Variants in EXOC2 observed in about 807,000 individuals in gnomAD.
EXOC2 encodes exocyst complex component 2.
A neutral mutation model predicts 131.8 loss-of-function variants in EXOC2; 70 were observed. That is an observed-to-expected ratio of 0.53 (90% CI 0.44 to 0.65). The LOEUF is 0.65. EXOC2 is among the 30% of genes least tolerant of loss of function. The pLI is 0.00. For missense variants in EXOC2, 923 were observed against 1,108.6 expected (o/e 0.83, Z 2.38); for synonymous variants, 411 against 398.4 (o/e 1.03, Z -0.38).
At chr6:537,156 C>A (rs1483661998) in intron 22 of EXOC2, among the ~76,000 whole-genome samples, 1 of 151,944 alleles carries the variant, frequency 6.6e-6, no homozygotes, top group African/African-American at 2.4e-5. Flanking sequence ...GAGTTTATGA[C>A]CGACGGAGCG....
intron 10 of EXOC2, 93 bp downstream of exon 10, chr6:597,928 C>A: frequency 1.2e-6 from 1 of 857,260 alleles, no homozygotes; most frequent in Non-Finnish European, 1.8e-6. Context: ...CATCAATCTC[C>A]TAAAGTCCCT....
At chr6:678,220 A>G (rs906893667) in intron 1 of EXOC2, among the ~76,000 whole-genome samples, 4 of 152,204 alleles carry the variant, frequency 2.6e-5, no homozygotes, top group African/African-American at 7.2e-5. Flanking sequence ...GAGGGAGAAA[A>G]GACACTTAAC....
At chr6:521,803 C>A (rs1164985307) in intron 23 of EXOC2, among the ~76,000 whole-genome samples, 2 of 152,180 alleles carry the variant, frequency 1.3e-5, no homozygotes, top group Non-Finnish European at 2.9e-5. Flanking sequence ...GCTGGGATTA[C>A]AGGTGTGAAC....
chr6:573,200 A>G (rs1395993485), intron 12 of EXOC2, among the ~76,000 whole-genome samples: 1 of 152,254 alleles, frequency 6.6e-6, no homozygotes, highest in East Asian at 1.9e-4. Flanking sequence ...AAGAAAAACT[A>G]GAAACGTTGA....
intron 24 of EXOC2, 34 bp from the exon 25 acceptor site, chr6:497,523 G>A: frequency 6.4e-7 from 1 of 1,573,582 alleles, no homozygotes. Context: ...GTGCTTTGTG[G>A]GGCTTTTTGA....
At chr6:529,631 A>T (rs1377739369) in intron 23 of EXOC2, among the ~76,000 whole-genome samples, 1 of 152,202 alleles carries the variant, frequency 6.6e-6, no homozygotes, top group African/African-American at 2.4e-5. Context: ...CCTTGAACAT[A>T]ACCAATTAAG....
intron 11 of EXOC2, among the ~76,000 whole-genome samples, chr6:585,526 C>T (rs1400171470): frequency 6.6e-6 from 1 of 152,238 alleles, no homozygotes; most frequent in East Asian, 1.9e-4. Flanking sequence ...AATGCTTCAT[C>T]TACAAAAGGA....
chr6:649,142 A>G (rs1468126448), intron 1 of EXOC2, among the ~76,000 whole-genome samples: 1 of 152,170 alleles, frequency 6.6e-6, no homozygotes, highest in Non-Finnish European at 1.5e-5. Flanking sequence ...CTCCTTCCTC[A>G]GCCTCCAGAG....
At chr6:599,269 TAATCAGAA>T (rs753206056) in intron 7 of EXOC2, 44 bp from the exon 8 acceptor site, 1 of 1,501,288 alleles carries the variant, frequency 6.7e-7, no homozygotes, top group African/African-American at 1.4e-5. Context: ...AAGCTGATTT[TAATCAGAA>T]AATGTGTAAC....
chr6:522,333 C>T (rs1227304442), intron 23 of EXOC2, among the ~76,000 whole-genome samples: 1 of 146,516 alleles, frequency 6.8e-6, no homozygotes, highest in Non-Finnish European at 1.5e-5. Flanking sequence ...AATGATGGTA[C>T]AGCAAGGTGT....
intron 1 of EXOC2, among the ~76,000 whole-genome samples, chr6:670,480 CTT>C (rs909282574): frequency 6.6e-6 from 1 of 150,704 alleles, no homozygotes; most frequent in African/African-American, 2.4e-5. Context: ...GAACTCTTTA[CTT>C]TTTTTAATTT....
intron 22 of EXOC2, among the ~76,000 whole-genome samples, chr6:546,565 C>T (rs1029960958): frequency 3.3e-5 from 5 of 152,138 alleles, no homozygotes; most frequent in East Asian, 1.9e-4. Flanking sequence ...CTTCTGCCTC[C>T]GCCACCCCTG....
rs748004835 is a variant in EXOC2, at chr6:633,083, C to T, written c.153G>A (p.Thr51=). The change falls in exon 3 of 28, where the codon ACG becomes ACA. Residue 51 remains threonine (T), a synonymous_variant. Transcript: ENST00000230449. ...TTTTACTTGCAGACATCCATTCTGC[C>T]GTCAGGAGGCAATTATGTCCACAAA... ...LTICGHNCLL[T]AEWMSASKIV... 5 of 1,613,646 alleles carry T rather than the reference C, an allele frequency of 3.1e-6. No individual in the cohort carries two copies. Among genetic ancestry groups the T allele is most frequent in the South Asian group, 2.2e-5 (2 of 91,048 alleles).
At chr6:637,498 A>G (rs1762155976) in intron 2 of EXOC2, among the ~76,000 whole-genome samples, 1 of 152,262 alleles carries the variant, frequency 6.6e-6, no homozygotes. Context: ...TTGAAAGACA[A>G]TATAAGGCAA....
rs764623867 is a variant in EXOC2, at chr6:555,300, C to T, written c.1993-12G>A. ...CAGTATATAAAAACCTAAGTGAAAA[C>T]ATAAGTTTCAGAACTCTCAGAGGAA... On this transcript the variant is annotated splice_polypyrimidine_tract_variant and intron_variant, in intron 19 of 27. Transcript: ENST00000230449. 5.9e-6 allele frequency: 9 copies of T among 1,518,678 alleles called. No homozygotes were observed. The highest frequency in any genetic ancestry group is 8.0e-6 in the Non-Finnish European group (9 of 1,119,006). 94.1% of individuals were successfully genotyped at this position (1,518,678 alleles called of 1,614,324 possible).
At chr6:656,486 G>C (rs187872018) in intron 1 of EXOC2, 1 of 1,609,294 alleles carries the variant, frequency 6.2e-7, no homozygotes, top group East Asian at 2.2e-5. Flanking sequence ...TGCTCGCGTC[G>C]GAGGCGCGCA....
chr6:587,027 C>T (rs1759246353), intron 11 of EXOC2, among the ~76,000 whole-genome samples: 1 of 152,172 alleles, frequency 6.6e-6, no homozygotes, highest in Non-Finnish European at 1.5e-5. Flanking sequence ...ATTTAGTAGG[C>T]ATTCCCCCAT....
chr6:597,519 T>G (rs1471035567), intron 10 of EXOC2, among the ~76,000 whole-genome samples: 1 of 152,198 alleles, frequency 6.6e-6, no homozygotes, highest in East Asian at 1.9e-4. Context: ...GCTCACTTAG[T>G]GACTTTATTT....
chr6:507,313 A>C (rs2127497427), intron 23 of EXOC2, among the ~76,000 whole-genome samples: 1 of 101,924 alleles, frequency 9.8e-6, no homozygotes, highest in Admixed American at 1.1e-4. Context: ...ACACACACAC[A>C]CACACAAAGA....
Sources: allele counts gnomAD v4.1 joint callset (sites outside exome capture counted in the v4.1 genomes callset), GRCh38; gene constraint gnomAD v4.1.1; transcripts MANE v1.5; gene names NCBI Gene and HGNC (gene_info 2026-07-23, HGNC 2026-07-21).